SPIN1: variants seen among roughly 807,000 people sequenced by gnomAD.
The protein encoded by SPIN1 is spindlin-1.
Under a neutral mutation model 26.0 loss-of-function variants are expected in SPIN1, and 3 were observed. The ratio of observed to expected loss-of-function variants is 0.12; its 90% CI spans 0.05 to 0.30. SPIN1 has a LOEUF of 0.30. SPIN1 is among the 10% of genes least tolerant of loss of function. SPIN1 has a pLI of 1.00. For synonymous variants in SPIN1, 101 were observed against 116.5 expected, an observed-to-expected ratio of 0.87 and a Z score of 0.86; for missense variants, 126 against 333.4, an observed-to-expected ratio of 0.38 and a Z score of 4.84.
Position 88,477,335 on chromosome 9 carries a change from A to T in SPIN1, c.*2058A>T, listed in dbSNP as rs991894933. ...GGAAAAATAAAGTACATTTTGAAGT[A>T]TCTTGAGGGTTGGGTCAATTGAGAC... On this transcript the variant is annotated 3_prime_UTR_variant, in exon 6 of 6. Coordinates refer to ENST00000375859, the MANE Select transcript of SPIN1 (RefSeq NM_006717.3). 2.6e-5 allele frequency: 4 copies of T among 152,334 alleles called. No individual in the cohort carries two copies. Among genetic ancestry groups the T allele is most frequent in the African/African-American group, 7.2e-5 (3 of 41,580 alleles). The allele number at this position is 152,334 out of a possible 1,614,324, so 9.4% of individuals were successfully genotyped here.
At chr9:88,454,021 TA>T (rs1587809083) in intron 3 of SPIN1, among the ~76,000 whole-genome samples, 1 of 152,348 alleles carries the variant, frequency 6.6e-6, no homozygotes, top group Non-Finnish European at 1.5e-5. Flanking sequence ...TCGATTATTT[TA>T]TTTTTTTTCT....
In SPIN1 at chr9:88,475,285, C is replaced by T. The variant is rs775815354; in HGVS notation, c.*8C>T. 4 of 1,608,626 alleles carry T rather than the reference C, an allele frequency of 2.5e-6. No homozygotes were observed. Among genetic ancestry groups the T allele is most frequent in the Non-Finnish European group, 2.6e-6 (3 of 1,176,344 alleles). On this transcript the variant is annotated 3_prime_UTR_variant, in exon 6 of 6. Transcript: ENST00000375859. ...TTGGTGAAAACATCCTAGATGTCAT[C>T]ACAAACTCTGCCAAATTTGTGGAAC...
chr9:88,412,255 A>G (rs1212575837), intron 1 of SPIN1, among the ~76,000 whole-genome samples: 4 of 152,206 alleles, frequency 2.6e-5, no homozygotes, highest in Non-Finnish European at 4.4e-5. Context: ...TTCTGATATG[A>G]CAAGATATTC....
intron 1 of SPIN1, among the ~76,000 whole-genome samples, chr9:88,404,776 C>T (rs185872597): frequency 3.7e-4 from 56 of 151,818 alleles, no homozygotes; most frequent in East Asian, 2.5e-3. Context: ...AGTAGCCGGG[C>T]GTAGTGGCAG....
In SPIN1 at chr9:88,426,453, C is replaced by CT. The variant is rs1226938726; in HGVS notation, c.-86dup. On this transcript the variant is annotated 5_prime_UTR_variant, in exon 2 of 6. Coordinates refer to ENST00000375859, the MANE Select transcript of SPIN1 (RefSeq NM_006717.3). The stretch of plus-strand genomic sequence containing the variant: ...CTTGGATGGTGGATTAACCAGAACA[C>CT]TAACATTCTGTGAAAAGTTTCAAAT... 3 of 1,113,112 alleles carry CT rather than the reference C, an allele frequency of 2.7e-6. No individual in the cohort carries two copies. The highest frequency in any genetic ancestry group is 2.0e-5 in the Admixed American group (1 of 51,092). 69.0% of individuals were successfully genotyped at this position (1,113,112 alleles called of 1,614,324 possible). A position where few individuals can be genotyped will look rare whatever the true frequency, so the allele number is the denominator to read the frequency against.
intron 1 of SPIN1, among the ~76,000 whole-genome samples, chr9:88,410,188 T>TGC (rs1554692370): frequency 0.046 from 6,636 of 142,926 alleles, 536 homozygotes; most frequent in African/African-American, 0.18. Flanking sequence ...TGTGTGTGTG[T>TGC]GCAACTTTTT....
At position 88,469,755 on chromosome 9, in the gene SPIN1, A is replaced by G. The variant is rs541128909; in HGVS notation, c.589+1150A>G. On this transcript the variant is annotated intron_variant, in intron 5 of 5. Transcript: ENST00000375859. ...ACCATGTTGGCCAAGGTGGTCTCAA[A>G]CACTTGAGCTCAGGTAGTCCACCAG... is the stretch of plus-strand genomic sequence containing the variant. 3.9e-5 allele frequency among the ~76,000 whole-genome samples: 6 copies of G among 152,294 alleles called. No individual in the cohort carries two copies. The South Asian group carries it at 1.2e-3, about 32-fold the overall frequency.
Position 88,475,836 on chromosome 9 carries a change from G to A in SPIN1, c.*559G>A, listed in dbSNP as rs9665. ...TAACAGGAGTGCTTTACCCAAGTCA[G>A]TCATGGATATGATATCACTGCTCTT... On this transcript the variant is annotated 3_prime_UTR_variant, in exon 6 of 6. Transcript: ENST00000375859. The A allele has an allele frequency of 0.087, 13,256 of 151,950 alleles. 773 individuals are homozygous for A. Among genetic ancestry groups the A allele is most frequent in the Middle Eastern group, 0.16 (47 of 294 alleles). 9.4% of individuals were successfully genotyped at this position (151,950 alleles called of 1,614,324 possible).
intron 5 of SPIN1, among the ~76,000 whole-genome samples, chr9:88,472,581 C>A (rs1483949465): frequency 6.6e-6 from 1 of 152,150 alleles, no homozygotes; most frequent in Non-Finnish European, 1.5e-5. Context: ...CAACCTCCAA[C>A]TCCCAGGTTC....
At chr9:88,413,165 C>T (rs1445024117) in intron 1 of SPIN1, among the ~76,000 whole-genome samples, 3 of 148,002 alleles carry the variant, frequency 2.0e-5, no homozygotes, top group South Asian at 2.1e-4. Context: ...CTCCCAGGTT[C>T]GAGTGATTCT....
At position 88,468,440 on chromosome 9, in the gene SPIN1, G is replaced by A; in HGVS notation, c.424G>A (p.Glu142Lys). 1 of 1,613,124 alleles carries A rather than the reference G, an allele frequency of 6.2e-7. No homozygotes were observed. Among genetic ancestry groups the A allele is most frequent in the Non-Finnish European group, 8.5e-7 (1 of 1,179,678 alleles). ...MIGKAVEHMF[E>K]TEDGSKDEWR... ...TGGCAAAGCAGTGGAACATATGTTT[G>A]AGACAGAGGATGGTTCTAAAGATGA... is the stretch of plus-strand genomic sequence containing the variant. Residue 142 changes from glutamate (E) to lysine (K), a missense_variant, in exon 5 of 6, where the codon GAG becomes AAG. This residue lies in a region of SPIN1 where 10 missense variants were observed against 44.5 expected (regional missense o/e 0.22). Coordinates refer to ENST00000375859, the MANE Select transcript of SPIN1 (RefSeq NM_006717.3).
At chr9:88,434,780 C>T (rs6560089) in intron 2 of SPIN1, among the ~76,000 whole-genome samples, 8,245 of 152,064 alleles carry the variant, frequency 0.054, 714 homozygotes, top group African/African-American at 0.18. Flanking sequence ...CAATGAGCTG[C>T]GCGCGGTTGC....
chr9:88,413,206 A>G (rs1827490205), intron 1 of SPIN1, among the ~76,000 whole-genome samples: 1 of 149,772 alleles, frequency 6.7e-6, no homozygotes, highest in Admixed American at 6.7e-5. Context: ...AGCTCGCACT[A>G]CAGGTGCGTG....
intron 2 of SPIN1, among the ~76,000 whole-genome samples, chr9:88,448,542 T>C (rs1218651071): frequency 6.6e-6 from 1 of 151,854 alleles, no homozygotes; most frequent in Non-Finnish European, 1.5e-5. Context: ...AGAGACAAGG[T>C]CTTGCTATGT....
chr9:88,421,682 T>G (rs1422985463), intron 1 of SPIN1, among the ~76,000 whole-genome samples: 1 of 149,942 alleles, frequency 6.7e-6, no homozygotes, highest in Non-Finnish European at 1.5e-5. Context: ...TTAGTCTCTT[T>G]TAGTCTAGAG....
chr9:88,435,282 C>A (rs1159418657), intron 2 of SPIN1, among the ~76,000 whole-genome samples: 1 of 151,448 alleles, frequency 6.6e-6, no homozygotes. Context: ...GTGGCACGAT[C>A]ATGGTTCACT....
intron 1 of SPIN1, among the ~76,000 whole-genome samples, chr9:88,394,808 A>ATTTT (rs397952642): frequency 7.0e-5 from 8 of 114,076 alleles, no homozygotes; most frequent in African/African-American, 2.7e-4. Flanking sequence ...TATTTAATGT[A>ATTTT]TTTTTTTTTT....
In SPIN1 at chr9:88,393,452, T is replaced by G. The variant is rs953384834; in HGVS notation, c.-159+4914T>G. Among the ~76,000 whole-genome samples, 66 of 112,398 alleles carry G rather than the reference T, an allele frequency of 5.9e-4. 1 individual carries two copies. Among genetic ancestry groups the G allele is most frequent in the Non-Finnish European group, 8.8e-4 (48 of 54,374 alleles). 73.7% of individuals were successfully genotyped at this position (112,398 alleles called of 152,430 possible). ...CCTTTTTCTTGCTTTTGGGTTTTTT[T>G]TTTTTTTTTTTTTTTTTTTTTGAGA... On this transcript the variant is annotated intron_variant, in intron 1 of 5. Coordinates refer to ENST00000375859, the MANE Select transcript of SPIN1 (RefSeq NM_006717.3).
chr9:88,460,145 A>G (rs970460073), intron 3 of SPIN1, among the ~76,000 whole-genome samples: 1 of 152,156 alleles, frequency 6.6e-6, no homozygotes, highest in Non-Finnish European at 1.5e-5. Context: ...TACGATTTTT[A>G]GTACTCTCTT....
Sources: gnomAD v4.1 joint callset for allele counts (sites outside exome capture counted in the v4.1 genomes callset) on GRCh38, gnomAD v4.1.1 for gene constraint, gnomAD v4.1.1 regional missense constraint, MANE v1.5 for transcripts, NCBI Gene and HGNC (gene_info 2026-07-23, HGNC 2026-07-21) for gene names.